The following IQCM variants were observed in gnomAD, a reference collection of about 807,000 sequenced individuals.
The protein encoded by IQCM is IQ motif containing M, also known as IQ domain-containing protein M.
Under a neutral mutation model 57.6 loss-of-function variants are expected in IQCM, and 45 were observed. That is an observed-to-expected ratio of 0.78 (90% CI 0.62 to 1.00). The LOEUF is 1.00. Among genes scored for constraint, IQCM ranks in the 50% least tolerant of loss-of-function variants. IQCM has a pLI of 0.00. For synonymous variants in IQCM, 148 were observed against 158.9 expected, an observed-to-expected ratio of 0.93 and a Z score of 0.51; for missense variants, 468 against 511.6, an observed-to-expected ratio of 0.91 and a Z score of 0.82.
chr4:149,379,287 C>T (rs975738059), intron 13 of IQCM, among the ~76,000 whole-genome samples: 13 of 152,256 alleles, frequency 8.5e-5, no homozygotes, highest in East Asian at 7.8e-4. Flanking sequence ...AGAAGAGGGC[C>T]GCCGTTCTCC....
intron 2 of IQCM, among the ~76,000 whole-genome samples, chr4:149,763,348 G>C (rs1358869121): frequency 6.6e-6 from 1 of 152,050 alleles, no homozygotes; most frequent in African/African-American, 2.4e-5. Context: ...AGTCATCACA[G>C]AGTATTATTT....
At chr4:149,402,028 C>A (rs1245205150) in intron 13 of IQCM, among the ~76,000 whole-genome samples, 1 of 151,738 alleles carries the variant, frequency 6.6e-6, no homozygotes, top group African/African-American at 2.4e-5. Context: ...TTCATGACAA[C>A]TCTATGGATA....
At chr4:149,675,962 C>T (rs953513302) in intron 7 of IQCM, among the ~76,000 whole-genome samples, 2 of 151,988 alleles carry the variant, frequency 1.3e-5, no homozygotes, top group African/African-American at 4.8e-5. Flanking sequence ...TGCGCCAGGC[C>T]ACACAGAGAG....
intron 12 of IQCM, among the ~76,000 whole-genome samples, chr4:149,482,310 G>A (rs1432205905): frequency 1.3e-5 from 2 of 151,812 alleles, no homozygotes; most frequent in African/African-American, 4.8e-5. Context: ...AATTTCTAAT[G>A]CCATGTTGAA....
At chr4:149,353,389 T>C (rs891601010) in intron 13 of IQCM, among the ~76,000 whole-genome samples, 3 of 152,068 alleles carry the variant, frequency 2.0e-5, no homozygotes, top group East Asian at 1.9e-4. Flanking sequence ...CCTAAAGTAA[T>C]TAAAAATAGA....
intron 2 of IQCM, among the ~76,000 whole-genome samples, chr4:149,801,035 G>C (rs566331968): frequency 5.3e-5 from 8 of 151,680 alleles, no homozygotes; most frequent in African/African-American, 1.7e-4. Context: ...TTATCCTTTG[G>C]GCATTTTTGG....
chr4:149,661,626 C>T (rs1329201619), intron 7 of IQCM, among the ~76,000 whole-genome samples: 1 of 152,014 alleles, frequency 6.6e-6, no homozygotes, highest in Non-Finnish European at 1.5e-5. Context: ...ATTCAATTTC[C>T]TCACTCACCC....
intron 8 of IQCM, among the ~76,000 whole-genome samples, chr4:149,598,431 C>T (rs919284012): frequency 6.6e-6 from 1 of 151,738 alleles, no homozygotes; most frequent in African/African-American, 2.4e-5. Context: ...GCCAAGCTAG[C>T]AGAAATGAAA....
intron 8 of IQCM, among the ~76,000 whole-genome samples, chr4:149,593,350 T>C (rs1308993036): frequency 1.3e-5 from 2 of 152,064 alleles, no homozygotes; most frequent in East Asian, 1.9e-4. Flanking sequence ...CTTAAGGAGA[T>C]TTTGGGCTGA....
At chr4:149,806,167 G>A (rs1774061699) in intron 2 of IQCM, among the ~76,000 whole-genome samples, 2 of 151,588 alleles carry the variant, frequency 1.3e-5, no homozygotes, top group South Asian at 2.1e-4. Context: ...GTAAAAAGCT[G>A]TTAATTTTTA....
At chr4:149,656,831 A>T (rs1004801769) in intron 7 of IQCM, among the ~76,000 whole-genome samples, 2 of 152,152 alleles carry the variant, frequency 1.3e-5, no homozygotes, top group Non-Finnish European at 2.9e-5. Flanking sequence ...TGAAATAATT[A>T]TATTAAACTT....
intron 10 of IQCM, among the ~76,000 whole-genome samples, chr4:149,561,701 G>T (rs1579497503): frequency 6.6e-6 from 1 of 152,158 alleles, no homozygotes; most frequent in African/African-American, 2.4e-5. Flanking sequence ...CATGCATACA[G>T]TTAAAGTGAT....
At chr4:149,556,627 T>A (rs1749611770) in intron 10 of IQCM, among the ~76,000 whole-genome samples, 1 of 152,214 alleles carries the variant, frequency 6.6e-6, no homozygotes, top group African/African-American at 2.4e-5. Flanking sequence ...GAAAATGTTT[T>A]AAAATGGCAA....
intron 8 of IQCM, among the ~76,000 whole-genome samples, chr4:149,595,298 C>A (rs960826201): frequency 2.6e-5 from 4 of 151,462 alleles, no homozygotes; most frequent in East Asian, 1.9e-4. Flanking sequence ...TTTTGTTTTC[C>A]ATTTGCTTGG....
intron 8 of IQCM, among the ~76,000 whole-genome samples, chr4:149,605,595 G>C (rs568251253): frequency 8.5e-5 from 13 of 152,242 alleles, no homozygotes; most frequent in African/African-American, 2.9e-4. Flanking sequence ...GAAACATTAA[G>C]TAAAATAAAA....
intron 5 of IQCM, among the ~76,000 whole-genome samples, chr4:149,693,212 C>T (rs1303152381): frequency 3.9e-5 from 6 of 152,146 alleles, no homozygotes; most frequent in Non-Finnish European, 1.5e-5. Context: ...GCTTTGACCA[C>T]CTCCAGCTAT....
chr4:149,804,217 C>T (rs1206060727), intron 2 of IQCM, among the ~76,000 whole-genome samples: 1 of 151,930 alleles, frequency 6.6e-6, no homozygotes, highest in Admixed American at 6.6e-5. Context: ...TTACTTTCTC[C>T]CTCACCCTGA....
At chr4:149,743,881 G>A (rs2149914546) in intron 2 of IQCM, among the ~76,000 whole-genome samples, 1 of 152,278 alleles carries the variant, frequency 6.6e-6, no homozygotes, top group Middle Eastern at 3.4e-3. Flanking sequence ...ATGCTCAAAT[G>A]GCTTTACAAT....
chr4:149,488,650 G>GA (rs1189399038), intron 12 of IQCM, among the ~76,000 whole-genome samples: 1 of 152,048 alleles, frequency 6.6e-6, no homozygotes, highest in Non-Finnish European at 1.5e-5. Flanking sequence ...CTTAGGGACA[G>GA]AAAATAGTCA....
Sources: allele counts gnomAD v4.1 joint callset (sites outside exome capture counted in the v4.1 genomes callset), GRCh38; gene constraint gnomAD v4.1.1; transcripts MANE v1.5; gene names NCBI Gene and HGNC (gene_info 2026-07-23, HGNC 2026-07-21).